EHBP1: variants seen among roughly 807,000 people sequenced by gnomAD.
EHBP1 encodes the protein EH domain-binding protein 1.
Under a neutral mutation model 144.0 loss-of-function variants are expected in EHBP1, and 55 were observed. The ratio of observed to expected loss-of-function variants is 0.38; its 90% CI spans 0.31 to 0.48. EHBP1 has a LOEUF of 0.48. Among genes scored for constraint, EHBP1 ranks in the 20% least tolerant of loss-of-function variants. EHBP1 has a pLI of 0.98. For missense variants in EHBP1, 1,200 were observed against 1,364.2 expected (o/e 0.88, Z 1.90); for synonymous variants, 469 against 472.7 (o/e 0.99, Z 0.10).
At chr2:62,760,183 G>A (rs1176773896) in intron 3 of EHBP1, among the ~76,000 whole-genome samples, 1 of 152,160 alleles carries the variant, frequency 6.6e-6, no homozygotes, top group Non-Finnish European at 1.5e-5. Flanking sequence ...GAACTGTGCA[G>A]TTCATACCTG....
At chr2:62,712,825 TA>T (rs1379207821) in intron 2 of EHBP1, among the ~76,000 whole-genome samples, 1 of 152,094 alleles carries the variant, frequency 6.6e-6, no homozygotes, top group Admixed American at 6.6e-5. Flanking sequence ...AGGATGTGGT[TA>T]ATGTTAATGA....
At chr2:62,716,147 A>G (rs1300383530) in intron 2 of EHBP1, among the ~76,000 whole-genome samples, 1 of 150,898 alleles carries the variant, frequency 6.6e-6, no homozygotes, top group Non-Finnish European at 1.5e-5. Flanking sequence ...ACCCATTCCT[A>G]TCTCCTCTAC....
At chr2:62,734,072 A>C (rs1277005514) in intron 2 of EHBP1, among the ~76,000 whole-genome samples, 1 of 152,160 alleles carries the variant, frequency 6.6e-6, no homozygotes, top group East Asian at 1.9e-4. Context: ...GACAGCTTCC[A>C]GGCTCCTGAC....
At chr2:63,022,741 T>C (rs2060810543) in intron 19 of EHBP1, among the ~76,000 whole-genome samples, 1 of 152,226 alleles carries the variant, frequency 6.6e-6, no homozygotes, top group African/African-American at 2.4e-5. Context: ...ATATAGTCAT[T>C]GTATCTGTTC....
chr2:62,756,400 T>C, intron 3 of EHBP1, among the ~76,000 whole-genome samples: 1 of 152,240 alleles, frequency 6.6e-6, no homozygotes, highest in East Asian at 1.9e-4. Context: ...TTAGAATCAT[T>C]GTGATTTCTC....
At chr2:62,927,135 A>G (rs2055581447) in intron 10 of EHBP1, among the ~76,000 whole-genome samples, 1 of 152,216 alleles carries the variant, frequency 6.6e-6, no homozygotes, top group African/African-American at 2.4e-5. Context: ...GTGGAAGCTA[A>G]AAGTAAAAGT....
At chr2:62,982,811 C>G (rs2059027125) in intron 15 of EHBP1, among the ~76,000 whole-genome samples, 1 of 152,208 alleles carries the variant, frequency 6.6e-6, no homozygotes, top group African/African-American at 2.4e-5. Context: ...TTTTTCTGTT[C>G]TCAAGCAGCA....
intron 19 of EHBP1, among the ~76,000 whole-genome samples, chr2:63,033,348 T>A (rs1398568672): frequency 6.6e-6 from 1 of 152,224 alleles, no homozygotes. Context: ...TTAAGGGCTA[T>A]ATGTGATTAC....
At chr2:63,005,938 G>T (rs2060019223) in intron 19 of EHBP1, among the ~76,000 whole-genome samples, 1 of 151,906 alleles carries the variant, frequency 6.6e-6, no homozygotes, top group African/African-American at 2.4e-5. Flanking sequence ...ATTATTTGAG[G>T]TTTTTTCATG....
chr2:62,996,921 C>G (rs1010172582), intron 19 of EHBP1, among the ~76,000 whole-genome samples, 155 bp downstream of exon 19: 17 of 152,058 alleles, frequency 1.1e-4, no homozygotes, highest in African/African-American at 4.1e-4. Context: ...TCTCTGGGCC[C>G]TGGTGATAAG....
In EHBP1 at chr2:62,681,340, G is replaced by GTGTATATATATATATATATA. The variant is rs1171760462; in HGVS notation, c.-296+7258_-296+7259insGTATATATATATATATATAT. Among the ~76,000 whole-genome samples the GTGTATATATATATATATATA allele has an allele frequency of 2.7e-3, 160 of 58,524 alleles. 4 individuals are homozygous for GTGTATATATATATATATATA. The highest frequency in any genetic ancestry group is 9.0e-3 in the African/African-American group (104 of 11,584). 38.4% of individuals were successfully genotyped at this position (58,524 alleles called of 152,430 possible). The stretch of plus-strand genomic sequence containing the variant: ...TATATATTTGTATGTATGTGTGTGT[G>GTGTATATATATATATATATA]TATATATATATATATATATAATGTG... On this transcript the variant is annotated intron_variant, in intron 1 of 22. Coordinates refer to the EHBP1 transcript ENST00000405015.
intron 7 of EHBP1, among the ~76,000 whole-genome samples, chr2:62,857,689 C>T (rs2049166825): frequency 6.6e-6 from 1 of 152,054 alleles, no homozygotes; most frequent in African/African-American, 2.4e-5. Flanking sequence ...CTAATTTTCA[C>T]CCAATGAGTG....
intron 10 of EHBP1, among the ~76,000 whole-genome samples, chr2:62,875,186 C>T (rs2050793117): frequency 6.6e-6 from 1 of 152,232 alleles, no homozygotes; most frequent in Admixed American, 6.5e-5. Context: ...TCAGTATGGG[C>T]ATGAACCTCA....
In EHBP1 at chr2:63,045,283, T is replaced by C. The variant is rs2061908626; in HGVS notation, c.3392+103T>C. On this transcript the variant is annotated intron_variant, in intron 22 of 22. Coordinates refer to ENST00000431489, the MANE Select transcript of EHBP1 (RefSeq NM_001142616.3). The surrounding 1 kb of genome is among the most constrained non-coding windows in gnomAD (Gnocchi z 5.7). ...AGGTCGCGGGAGGGCCGGGGCAGCC[T>C]CCCACTGGCCTGGTGCTCCCCATTC... is the stretch of plus-strand genomic sequence containing the variant. 1.5e-6 allele frequency: 2 copies of C among 1,371,082 alleles called. 1 individual carries two copies. Among genetic ancestry groups the C allele is most frequent in the African/African-American group, 2.9e-5 (2 of 69,736 alleles). 84.9% of individuals were successfully genotyped at this position (1,371,082 alleles called of 1,614,324 possible).
chr2:62,694,217 G>A (rs974998619), intron 1 of EHBP1, among the ~76,000 whole-genome samples: 3 of 152,068 alleles, frequency 2.0e-5, no homozygotes, highest in African/African-American at 7.2e-5. Flanking sequence ...TAAACTCTTT[G>A]GGCTAGATTG....
intron 2 of EHBP1, among the ~76,000 whole-genome samples, chr2:62,742,373 C>A (rs2038794619): frequency 6.6e-6 from 1 of 152,088 alleles, no homozygotes; most frequent in Non-Finnish European, 1.5e-5. Context: ...TATGGAGAGA[C>A]AACTGTACTA....
intron 7 of EHBP1, among the ~76,000 whole-genome samples, chr2:62,845,000 A>T (rs1259539189): frequency 6.6e-6 from 1 of 152,140 alleles, no homozygotes; most frequent in Non-Finnish European, 1.5e-5. Context: ...CCACCAAATG[A>T]CAACTTGGGT....
intron 7 of EHBP1, among the ~76,000 whole-genome samples, chr2:62,845,449 A>C (rs1279734953): frequency 1.3e-5 from 2 of 152,182 alleles, no homozygotes; most frequent in Non-Finnish European, 2.9e-5. Context: ...AGGAGATACC[A>C]ATTACATATT....
At position 62,713,457 on chromosome 2, in the gene EHBP1, T is replaced by G. The variant is rs148932623; in HGVS notation, c.104+6162T>G. ...CAGGGTTTTGCTATGTTGGCCAGGC[T>G]GGTCTCGAACTCCTGTCCTCAAATG... On this transcript the variant is annotated intron_variant, in intron 2 of 22. Transcript: ENST00000431489. Among the ~76,000 whole-genome samples, 722 of 152,198 alleles carry G rather than the reference T, an allele frequency of 4.7e-3. 17 individuals carry two copies. The highest frequency in any genetic ancestry group is 0.036 in the Admixed American group (549 of 15,276).
Sources: allele counts gnomAD v4.1 joint callset (sites outside exome capture counted in the v4.1 genomes callset), GRCh38; gene constraint gnomAD v4.1.1; non-coding constraint Gnocchi (gnomAD v3.1); transcripts MANE v1.5; gene names NCBI Gene and HGNC (gene_info 2026-07-23, HGNC 2026-07-21).